The following MYO1E variants were observed in gnomAD, a reference collection of about 807,000 sequenced individuals.
MYO1E encodes unconventional myosin-Ie.
A neutral mutation model predicts 151.1 loss-of-function variants in MYO1E; 68 were observed. The observed-to-expected ratio is 0.45, with a 90% CI of 0.37 to 0.55. MYO1E has a LOEUF of 0.55. Among genes scored for constraint, MYO1E ranks in the 20% least tolerant of loss-of-function variants. The pLI is 0.00. For synonymous variants in MYO1E, 601 were observed against 501.7 expected, an observed-to-expected ratio of 1.20 and a Z score of -2.64; for missense variants, 1,363 against 1,389.3, an observed-to-expected ratio of 0.98 and a Z score of 0.30.
intron 1 of MYO1E, among the ~76,000 whole-genome samples, chr15:59,361,839 A>T (rs114625006): frequency 0.019 from 2,943 of 151,806 alleles, 74 homozygotes; most frequent in African/African-American, 0.053. Flanking sequence ...TTTATTAATT[A>T]ATTTATTTAT....
chr15:59,251,254 A>C (rs1008798005), intron 4 of MYO1E, among the ~76,000 whole-genome samples: 5 of 152,228 alleles, frequency 3.3e-5, no homozygotes, highest in East Asian at 1.9e-4. Flanking sequence ...AAGTCATTAG[A>C]TATAACCTTA....
At chr15:59,161,443 G>T (rs192516852) in intron 23 of MYO1E, among the ~76,000 whole-genome samples, 1 of 152,218 alleles carries the variant, frequency 6.6e-6, no homozygotes, top group Admixed American at 6.5e-5. Flanking sequence ...AGCATCTGGG[G>T]CCCGGTACCG....
At chr15:59,211,788 G>C (rs1188417228) in intron 12 of MYO1E, among the ~76,000 whole-genome samples, 1 of 152,040 alleles carries the variant, frequency 6.6e-6, no homozygotes, top group Non-Finnish European at 1.5e-5. Flanking sequence ...TTTTGAGCAA[G>C]TCCCATTCTC....
intron 18 of MYO1E, among the ~76,000 whole-genome samples, chr15:59,185,458 G>T (rs138622580): frequency 0.061 from 9,329 of 152,190 alleles, 722 homozygotes; most frequent in African/African-American, 0.18. Flanking sequence ...AGTAGAGACA[G>T]GTTTCACCAT....
intron 1 of MYO1E, among the ~76,000 whole-genome samples, chr15:59,308,126 G>C (rs1164890664): frequency 2.0e-5 from 3 of 148,784 alleles, no homozygotes; most frequent in Non-Finnish European, 4.4e-5. Context: ...GGGAGGCTGA[G>C]GCATGAGAAT....
In MYO1E at chr15:59,210,584, T is replaced by G. The variant is rs190122242; in HGVS notation, c.1292A>C (p.Glu431Ala). 87 of 1,600,198 alleles carry G rather than the reference T, an allele frequency of 5.4e-5. No homozygotes were observed. The Admixed American group carries it at 1.2e-3, about 22-fold the overall frequency. Residue 431 changes from glutamate to alanine, a missense_variant, in exon 13 of 28, where the codon GAG (glutamate) becomes GCG (alanine). Transcript: ENST00000288235. ...CTCAATGGGTGTCCATCTTATTCCC[T>G]CTTGAACATATTCTTCCTGTAACAC... ...LKAEQEEYVQ[E>A]GIRWTPIEYF... is the part of the protein sequence containing the mutation.
intron 1 of MYO1E, among the ~76,000 whole-genome samples, chr15:59,344,756 A>T (rs147896499): frequency 6.6e-6 from 1 of 152,188 alleles, no homozygotes; most frequent in Admixed American, 6.5e-5. Context: ...CCAAGCAGGT[A>T]TCTCTTCCCG....
intron 3 of MYO1E, among the ~76,000 whole-genome samples, chr15:59,257,421 TTG>T (rs2080199897): frequency 6.6e-6 from 1 of 152,054 alleles, no homozygotes; most frequent in African/African-American, 2.4e-5. Context: ...TGAGCTACAA[TTG>T]TGGGAATAAT....
intron 1 of MYO1E, among the ~76,000 whole-genome samples, chr15:59,310,201 T>G (rs1426441974): frequency 6.6e-6 from 1 of 152,134 alleles, no homozygotes; most frequent in Non-Finnish European, 1.5e-5. Context: ...ACTGCCAAGT[T>G]GACCAGCTTG....
In MYO1E at chr15:59,260,206, G is replaced by A. The variant is rs78648857; in HGVS notation, c.237+1214C>T. 2.6e-3 allele frequency among the ~76,000 whole-genome samples: 389 copies of A among 152,318 alleles called. 2 individuals are homozygous for A. Among genetic ancestry groups the A allele is most frequent in the African/African-American group, 9.1e-3 (377 of 41,576 alleles). Reference sequence around the variant, plus strand: ...CATGCACAGCACTACCATCTACAGCGCCTTGGCTGTCATTGAGGACGCCAA... The same window carrying A: ...CATGCACAGCACTACCATCTACAGCACCTTGGCTGTCATTGAGGACGCCAA... On this transcript the variant is annotated intron_variant, in intron 3 of 27. Coordinates refer to ENST00000288235, the MANE Select transcript of MYO1E (RefSeq NM_004998.4).
intron 18 of MYO1E, among the ~76,000 whole-genome samples, chr15:59,179,581 G>C (rs1054336016): frequency 5.3e-5 from 8 of 152,196 alleles, no homozygotes; most frequent in Non-Finnish European, 1.0e-4. Context: ...AACCTGATCA[G>C]GTTGGTTTTC....
At chr15:59,155,998 T>C (rs1280137632) in intron 25 of MYO1E, among the ~76,000 whole-genome samples, 5 of 151,934 alleles carry the variant, frequency 3.3e-5, no homozygotes, top group African/African-American at 9.7e-5. Flanking sequence ...GCCTTGTGAG[T>C]AGCTGGAATC....
chr15:59,356,312 G>A (rs1422077387), intron 1 of MYO1E, among the ~76,000 whole-genome samples: 2 of 146,466 alleles, frequency 1.4e-5, no homozygotes, highest in Admixed American at 1.4e-4. Context: ...CAAGCACAAC[G>A]GAGTGGGGAG....
chr15:59,372,105 G>A (rs1252019966), intron 1 of MYO1E, among the ~76,000 whole-genome samples: 3 of 150,426 alleles, frequency 2.0e-5, no homozygotes, highest in Non-Finnish European at 4.5e-5. Flanking sequence ...GACGCCGCCA[G>A]CGGCTGCGGC....
intron 26 of MYO1E, among the ~76,000 whole-genome samples, chr15:59,146,530 G>A (rs1449410808): frequency 6.6e-6 from 1 of 152,036 alleles, no homozygotes; most frequent in African/African-American, 2.4e-5. Context: ...GGTCAGCCTG[G>A]TCTCGAACTC....
At chr15:59,198,597 A>G (rs1312432324) in intron 16 of MYO1E, among the ~76,000 whole-genome samples, 6 of 152,028 alleles carry the variant, frequency 3.9e-5, no homozygotes, top group African/African-American at 1.2e-4. Flanking sequence ...AGGCGGATCA[A>G]TTGAAGTCAG....
chr15:59,204,520 G>T (rs1037573702), intron 15 of MYO1E, among the ~76,000 whole-genome samples: 1 of 152,182 alleles, frequency 6.6e-6, no homozygotes, highest in African/African-American at 2.4e-5. Context: ...GCCTTGCCTC[G>T]CAAGCATGAT....
chr15:59,253,372 G>C (rs1330978617), intron 4 of MYO1E, among the ~76,000 whole-genome samples: 1 of 152,052 alleles, frequency 6.6e-6, no homozygotes, highest in African/African-American at 2.4e-5. Flanking sequence ...ATTTATAACA[G>C]ACGGGTTCAC....
intron 9 of MYO1E, among the ~76,000 whole-genome samples, chr15:59,221,533 C>T (rs2079956557): frequency 6.6e-6 from 1 of 152,124 alleles, no homozygotes; most frequent in African/African-American, 2.4e-5. Context: ...CCCCTCAAGC[C>T]ACGTTAATGT....
Sources: gnomAD v4.1 joint callset for allele counts (sites outside exome capture counted in the v4.1 genomes callset) on GRCh38, gnomAD v4.1.1 for gene constraint, MANE v1.5 for transcripts, NCBI Gene and HGNC (gene_info 2026-07-23, HGNC 2026-07-21) for gene names.